Variants in MRC1 observed in about 807,000 individuals in gnomAD.
The protein encoded by MRC1 is mannose receptor C-type 1, also known as macrophage mannose receptor 1.
In MRC1, 62 loss-of-function variants were observed where a neutral mutation model predicts 102.9. The ratio of observed to expected loss-of-function variants is 0.60; its 90% CI spans 0.49 to 0.74. The LOEUF is 0.74. Among genes scored for constraint, MRC1 ranks in the 30% least tolerant of loss-of-function variants. The probability of loss-of-function intolerance (pLI) is 0.00; values close to 1 mark genes in which losing one functional copy is unlikely to be tolerated. For synonymous variants in MRC1, 457 were observed against 298.4 expected, an observed-to-expected ratio of 1.53 and a Z score of -5.48; for missense variants, 1,237 against 862.8, an observed-to-expected ratio of 1.43 and a Z score of -5.43.
intron 6 of MRC1, among the ~76,000 whole-genome samples, chr10:17,849,293 C>A (rs1385800682): frequency 1.7e-5 from 2 of 116,106 alleles, no homozygotes; most frequent in Non-Finnish European, 1.7e-5. Context: ...TAGAGGGAGA[C>A]CTTGTCTCTT....
At chr10:17,879,418 G>A (rs1221500542) in intron 18 of MRC1, among the ~76,000 whole-genome samples, 5 of 152,114 alleles carry the variant, frequency 3.3e-5, no homozygotes, top group Admixed American at 2.0e-4. Flanking sequence ...GCAATGGTGC[G>A]ATCTTGGTTC....
At chr10:17,827,765 T>A in intron 3 of MRC1, 50 bp downstream of exon 3, 1 of 778,770 alleles carries the variant, frequency 1.3e-6, no homozygotes, top group East Asian at 2.4e-5. Context: ...AGTCTGATAA[T>A]GTAGTGAAAG....
intron 22 of MRC1, among the ~76,000 whole-genome samples, chr10:17,886,865 C>T (rs1426511013): frequency 6.6e-6 from 1 of 151,880 alleles, no homozygotes; most frequent in Non-Finnish European, 1.5e-5. Flanking sequence ...GGAGTTTTAT[C>T]CAGAAAAAGA....
intron 5 of MRC1, among the ~76,000 whole-genome samples, chr10:17,842,701 T>G (rs934185694): frequency 3.3e-5 from 5 of 152,228 alleles, no homozygotes; most frequent in Non-Finnish European, 7.3e-5. Flanking sequence ...GTTGCTAAAT[T>G]TTTATACATA....
In MRC1 at chr10:17,887,625, T is replaced by C. The variant is rs926161896; in HGVS notation, c.3147+2190T>C. Among the ~76,000 whole-genome samples, 362 of 152,106 alleles carry C rather than the reference T, an allele frequency of 2.4e-3. 2 individuals are homozygous for C. Among genetic ancestry groups the C allele is most frequent in the African/African-American group, 7.8e-3 (323 of 41,476 alleles). On this transcript the variant is annotated intron_variant, in intron 22 of 29. Transcript: ENST00000569591. ...ACATATTTTTGTTGTTTCTAGAACA[T>C]AAAGAAAGGCAGAAACAATAAAAAC...
chr10:17,873,324 A>G (rs1390864321), intron 15 of MRC1, among the ~76,000 whole-genome samples: 1 of 152,220 alleles, frequency 6.6e-6, no homozygotes, highest in Non-Finnish European at 1.5e-5. Flanking sequence ...GTCATTTCAC[A>G]GATTATAAGA....
At chr10:17,894,059 A>G (rs1833717825) in intron 22 of MRC1, 151 bp from the exon 23 acceptor site, 11 of 670,284 alleles carry the variant, frequency 1.6e-5, no homozygotes, top group East Asian at 2.7e-5. Context: ...GTTGGGTAGA[A>G]AGTAATGATG....
At chr10:17,868,193 C>A (rs1833304825) in intron 12 of MRC1, among the ~76,000 whole-genome samples, 1 of 152,216 alleles carries the variant, frequency 6.6e-6, no homozygotes, top group Non-Finnish European at 1.5e-5. Flanking sequence ...AATGTACCTA[C>A]TGTGTTAGTC....
intron 18 of MRC1, among the ~76,000 whole-genome samples, chr10:17,879,105 C>T (rs1163438368): frequency 2.0e-5 from 3 of 152,064 alleles, no homozygotes; most frequent in East Asian, 1.9e-4. Flanking sequence ...GAATCATGCC[C>T]GGGGAGTACG....
chr10:17,866,900 A>G lies in MRC1; in HGVS notation c.1983+139A>G. On this transcript the variant is annotated intron_variant, in intron 12 of 29. Transcript: ENST00000569591. ...ATAGGTATTTAGAAATTCTGATTTG[A>G]TTAACCCGGGGATCAATTGTTTAAG... is the stretch of plus-strand genomic sequence containing the variant. The G allele has an allele frequency of 7.0e-6, 5 of 716,926 alleles. No homozygotes were observed. In the South Asian group the frequency reaches 7.4e-5, roughly 11 times the overall value. 44.4% of individuals were successfully genotyped at this position (716,926 alleles called of 1,614,324 possible).
intron 24 of MRC1, among the ~76,000 whole-genome samples, chr10:17,900,251 G>T (rs1398519234): frequency 6.7e-6 from 1 of 150,286 alleles, no homozygotes; most frequent in African/African-American, 2.4e-5. Context: ...AGAGACTAAG[G>T]CTTCTCTCTT....
chr10:17,877,683 A>T (rs1176827314), intron 17 of MRC1, among the ~76,000 whole-genome samples: 1 of 152,186 alleles, frequency 6.6e-6, no homozygotes, highest in Non-Finnish European at 1.5e-5. Flanking sequence ...CTATGCATCA[A>T]ATAAAAGACT....
intron 1 of MRC1, among the ~76,000 whole-genome samples, chr10:17,813,235 G>T (rs1589160995): frequency 1.3e-5 from 2 of 152,294 alleles, no homozygotes; most frequent in African/African-American, 4.8e-5. Flanking sequence ...GTTAGATCAA[G>T]TAAGTGCAAA....
At position 17,840,636 on chromosome 10, in the gene MRC1, A is replaced by C. The variant is rs896809226; in HGVS notation, c.803-57A>C. 7.7e-6 allele frequency: 6 copies of C among 776,950 alleles called. No individual in the cohort carries two copies. The South Asian group carries it at 8.1e-5, about 10-fold the overall frequency. 48.1% of individuals were successfully genotyped at this position (776,950 alleles called of 1,614,324 possible). On this transcript the variant is annotated intron_variant, in intron 4 of 29. Transcript: ENST00000569591. ...GCACTTAGTTCTGAATTTAATTTCA[A>C]CTGTTTTCTGAATGCCAAGTTCTTG...
chr10:17,852,464 G>C (rs1416487677), intron 7 of MRC1, among the ~76,000 whole-genome samples: 2 of 152,120 alleles, frequency 1.3e-5, no homozygotes, highest in Non-Finnish European at 2.9e-5. Context: ...GAAGTATCTA[G>C]AATGTTCTTG....
chr10:17,897,003 G>A (rs2461168), intron 23 of MRC1, among the ~76,000 whole-genome samples: 105,051 of 152,048 alleles, frequency 0.69, 36,483 homozygotes, highest in African/African-American at 0.73. Context: ...CAACTCTGCT[G>A]TGGTCACAGA....
chr10:17,836,468 A>C (rs1838664005), intron 4 of MRC1, among the ~76,000 whole-genome samples: 3 of 152,204 alleles, frequency 2.0e-5, no homozygotes, highest in South Asian at 2.1e-4. Context: ...TATGTAGATG[A>C]TTAAGGAATA....
At chr10:17,812,513 G>A (rs2436698) in intron 1 of MRC1, among the ~76,000 whole-genome samples, 101,866 of 150,606 alleles carry the variant, frequency 0.68, 34,847 homozygotes, top group African/African-American at 0.73. Flanking sequence ...TTGATTTCAA[G>A]CTACTGACTT....
intron 29 of MRC1, 52 bp downstream of exon 29, chr10:17,909,399 T>C: frequency 1.2e-6 from 1 of 832,150 alleles, no homozygotes; most frequent in African/African-American, 1.7e-5. Context: ...ATCCGTACTG[T>C]TTGTTTTAAA....
Sources: gnomAD v4.1 joint callset for allele counts (sites outside exome capture counted in the v4.1 genomes callset) on GRCh38, gnomAD v4.1.1 for gene constraint, MANE v1.5 for transcripts, NCBI Gene and HGNC (gene_info 2026-07-23, HGNC 2026-07-21) for gene names.